SHISAL1: variants seen among roughly 807,000 people sequenced by gnomAD.
SHISAL1 encodes the protein protein shisa-like-1.
Under a neutral mutation model 22.6 loss-of-function variants are expected in SHISAL1, and 9 were observed. The ratio of observed to expected loss-of-function variants is 0.40; its 90% CI spans 0.24 to 0.70. The LOEUF (loss-of-function observed/expected upper bound fraction) is 0.70. SHISAL1 is among the 30% of genes least tolerant of loss of function. The probability of loss-of-function intolerance (pLI) is 0.39; values close to 1 mark genes in which losing one functional copy is unlikely to be tolerated. For synonymous variants in SHISAL1, 119 were observed against 115.4 expected (o/e 1.03, Z -0.20); for missense variants, 246 against 270.6 (o/e 0.91, Z 0.64).
At chr22:44,319,197 G>C in the SHISAL1 span, among the ~76,000 whole-genome samples, 1 of 152,244 alleles carries the variant, frequency 6.6e-6, no homozygotes, top group Non-Finnish European at 1.5e-5. Flanking sequence ...CACCTCCGAT[G>C]TGTTCAGCAC....
At chr22:44,279,215 C>T (rs929367318) in intron 4 of SHISAL1, among the ~76,000 whole-genome samples, 7 of 152,188 alleles carry the variant, frequency 4.6e-5, no homozygotes, top group African/African-American at 7.2e-5. Context: ...AGGGAACGCG[C>T]GCCTTCTTGA....
the SHISAL1 span, among the ~76,000 whole-genome samples, chr22:44,327,230 TGGGG>T: frequency 6.6e-4 from 88 of 132,582 alleles, 1 homozygote; most frequent in African/African-American, 2.3e-3. Flanking sequence ...CTGTGGAGAG[TGGGG>T]GGCGCGCACA....
chr22:44,283,823 C>T, intron 4 of SHISAL1, among the ~76,000 whole-genome samples: 1 of 152,144 alleles, frequency 6.6e-6, no homozygotes, highest in South Asian at 2.1e-4. Context: ...CTCAGAGATG[C>T]CTGGTCAGTA....
the SHISAL1 span, among the ~76,000 whole-genome samples, chr22:44,321,905 C>T: frequency 6.6e-6 from 1 of 152,158 alleles, no homozygotes; most frequent in African/African-American, 2.4e-5. Context: ...TGGGTTCAGA[C>T]TCCTGCAGGA....
intron 1 of SHISAL1, among the ~76,000 whole-genome samples, chr22:44,302,298 C>G (rs1220974643): frequency 6.7e-6 from 1 of 148,458 alleles, no homozygotes; most frequent in East Asian, 2.0e-4. Context: ...TGAGATCACG[C>G]CATTGCACTC....
intron 4 of SHISAL1, among the ~76,000 whole-genome samples, chr22:44,268,307 A>C (rs538381057): frequency 1.1e-4 from 16 of 152,126 alleles, no homozygotes; most frequent in African/African-American, 3.6e-4. Context: ...TACGAAAATA[A>C]AGACTCTTTC....
Position 44,246,362 on chromosome 22 carries a change from C to G in SHISAL1, c.*3323G>C, listed in dbSNP as rs2055001130. ...GTGGACATCTTGTCCTCTTCTCTCT[C>G]TCGTTTTTCTTTTTGTATTATTATT... On this transcript the variant is annotated 3_prime_UTR_variant, in exon 5 of 5. Coordinates refer to ENST00000381176, the MANE Select transcript of SHISAL1 (RefSeq NM_001099294.2). 6.7e-6 allele frequency: 1 copy of G among 150,346 alleles called. No individual in the cohort carries two copies. The highest frequency in any genetic ancestry group is 2.5e-5 in the African/African-American group (1 of 39,674). 9.3% of individuals were successfully genotyped at this position (150,346 alleles called of 1,614,324 possible).
At chr22:44,324,348 A>T in the SHISAL1 span, among the ~76,000 whole-genome samples, 1 of 152,174 alleles carries the variant, frequency 6.6e-6, no homozygotes, top group Non-Finnish European at 1.5e-5. Context: ...AAACACCGCC[A>T]CTGGTCTAAC....
intron 4 of SHISAL1, among the ~76,000 whole-genome samples, chr22:44,266,847 T>C (rs1190999758): frequency 6.6e-6 from 1 of 152,062 alleles, no homozygotes; most frequent in Admixed American, 6.5e-5. Context: ...AGATCCTGCT[T>C]GAGGGCGATG....
chr22:44,300,114 G>A (rs577046531), intron 2 of SHISAL1, among the ~76,000 whole-genome samples: 2,434 of 143,830 alleles, frequency 0.017, 74 homozygotes, highest in African/African-American at 0.068. Flanking sequence ...GACAGACAGA[G>A]AGACAGAGAC....
the SHISAL1 span, among the ~76,000 whole-genome samples, chr22:44,322,939 GTCCACCCATCCATCCA>G: frequency 6.7e-6 from 1 of 150,254 alleles, no homozygotes; most frequent in Non-Finnish European, 1.5e-5. Flanking sequence ...CCATCTGTCC[GTCCACCCATCCATCCA>G]TCCATCCACC....
At chr22:44,311,073 G>A (rs927360909) in intron 1 of SHISAL1, among the ~76,000 whole-genome samples, 9 of 152,028 alleles carry the variant, frequency 5.9e-5, no homozygotes, top group Non-Finnish European at 1.3e-4. Flanking sequence ...GGCCACCACC[G>A]GGAGTGACCT....
At chr22:44,256,625 C>T (rs1432690360) in intron 4 of SHISAL1, among the ~76,000 whole-genome samples, 1 of 152,164 alleles carries the variant, frequency 6.6e-6, no homozygotes, top group Non-Finnish European at 1.5e-5. Flanking sequence ...CGCATTATCA[C>T]CATCTGACAG....
chr22:44,316,677 C>G (rs745639653), upstream of SHISAL1, among the ~76,000 whole-genome samples: 2 of 152,202 alleles, frequency 1.3e-5, no homozygotes, highest in African/African-American at 2.4e-5. Context: ...AACCAGCAAC[C>G]CTGGCATCTC....
chr22:44,283,647 T>C (rs528033408), intron 4 of SHISAL1, among the ~76,000 whole-genome samples: 1 of 152,290 alleles, frequency 6.6e-6, no homozygotes, highest in African/African-American at 2.4e-5. Flanking sequence ...CCTTGGCAAG[T>C]GTTCGGCGAG....
At chr22:44,305,418 G>A (rs140127639) in intron 1 of SHISAL1, among the ~76,000 whole-genome samples, 7 of 152,318 alleles carry the variant, frequency 4.6e-5, no homozygotes, top group East Asian at 1.9e-4. Flanking sequence ...CTCAGCCCCC[G>A]ATCTGCCTTC....
At chr22:44,258,552 A>T (rs531900483) in intron 4 of SHISAL1, among the ~76,000 whole-genome samples, 1 of 152,222 alleles carries the variant, frequency 6.6e-6, no homozygotes, top group East Asian at 1.9e-4. Flanking sequence ...CCCCACTTAT[A>T]AGTGAGAGCA....
intron 3 of SHISAL1, 120 bp from the exon 4 acceptor site, chr22:44,285,865 G>C: frequency 2.4e-6 from 2 of 848,958 alleles, no homozygotes; most frequent in Non-Finnish European, 3.8e-6. Context: ...CCCGGGAGGA[G>C]GGTACTGAGC....
chr22:44,246,048 T>C lies in SHISAL1; in HGVS notation c.*3637A>G, dbSNP rs2054998128. Reference sequence around the variant, plus strand: ...ATTAAGGCCTGTTGCACATCAGCAATGGTCATGGTCAGGTGGCTGGCCTGG... The same window carrying C: ...ATTAAGGCCTGTTGCACATCAGCAACGGTCATGGTCAGGTGGCTGGCCTGG... On this transcript the variant is annotated 3_prime_UTR_variant, in exon 5 of 5. Coordinates refer to ENST00000381176, the MANE Select transcript of SHISAL1 (RefSeq NM_001099294.2). 1 of 152,256 alleles carries C rather than the reference T, an allele frequency of 6.6e-6. No homozygotes were observed. Among genetic ancestry groups the C allele is most frequent in the African/African-American group, 2.4e-5 (1 of 41,446 alleles). The allele number at this position is 152,256 out of a possible 1,614,324, so 9.4% of individuals were successfully genotyped here.
Sources: allele counts gnomAD v4.1 joint callset (sites outside exome capture counted in the v4.1 genomes callset), GRCh38; gene constraint gnomAD v4.1.1; transcripts MANE v1.5; gene names NCBI Gene and HGNC (gene_info 2026-07-23, HGNC 2026-07-21).